GPC4: variants seen among roughly 807,000 people sequenced by gnomAD.
GPC4 encodes the protein glypican-4.
GPC4 carries 10 observed loss-of-function variants against 35.0 expected under a neutral mutation model. The observed-to-expected ratio is 0.29, with a 90% confidence interval of 0.18 to 0.48. The LOEUF is 0.48. Ranked by LOEUF, GPC4 falls within the 20% of genes least tolerant of loss-of-function variation. GPC4 has a pLI of 0.99. For synonymous variants in GPC4, 167 were observed against 170.2 expected, an observed-to-expected ratio of 0.98 and a Z score of 0.15; for missense variants, 322 against 451.3, an observed-to-expected ratio of 0.71 and a Z score of 2.60.
At chrX:133,341,093 C>T (rs1300228371) in intron 1 of GPC4, among the ~76,000 whole-genome samples, 1 of 111,902 alleles carries the variant, frequency 8.9e-6, no homozygotes, top group Non-Finnish European at 1.9e-5. Flanking sequence ...TGCTAAGGCT[C>T]GGTTTTATGG....
chrX:133,400,787 T>C (rs2068765145), intron 1 of GPC4, among the ~76,000 whole-genome samples: 1 of 110,503 alleles, frequency 9.0e-6, no homozygotes, highest in Non-Finnish European at 1.9e-5. Context: ...GTGGTAGGCA[T>C]TGGGTATAGG....
chrX:133,304,636 C>T, intron 7 of GPC4, 89 bp downstream of exon 7: 1 of 1,073,573 alleles, frequency 9.3e-7, no homozygotes, highest in Non-Finnish European at 1.3e-6. Flanking sequence ...CTTCCTGATG[C>T]CTCGGTTGAC....
chrX:133,357,595 G>A (rs1003608262), intron 1 of GPC4, among the ~76,000 whole-genome samples: 5 of 108,681 alleles, frequency 4.6e-5, no homozygotes, highest in Non-Finnish European at 3.8e-5. Context: ...TGTGTTGCTC[G>A]GGCTAGTCTG....
intron 3 of GPC4, among the ~76,000 whole-genome samples, chrX:133,318,331 A>G (rs2068348202): frequency 1.8e-5 from 2 of 111,977 alleles, no homozygotes; most frequent in African/African-American, 6.5e-5. Flanking sequence ...TTTGTTTAGT[A>G]CTCTTGTAGG....
At chrX:133,369,379 A>G (rs182003742) in intron 1 of GPC4, among the ~76,000 whole-genome samples, 128 of 112,096 alleles carry the variant, frequency 1.1e-3, no homozygotes, top group Non-Finnish European at 1.8e-3. Flanking sequence ...AAATGAGATA[A>G]CTAGAGTCTG....
intron 3 of GPC4, among the ~76,000 whole-genome samples, chrX:133,317,291 C>G (rs2124114266): frequency 9.0e-6 from 1 of 111,409 alleles, no homozygotes; most frequent in African/African-American, 3.3e-5. Context: ...ATTTCCTTCT[C>G]AACTTATTAA....
chrX:133,413,903 T>G (rs919960199), intron 1 of GPC4, among the ~76,000 whole-genome samples: 16 of 110,065 alleles, frequency 1.5e-4, no homozygotes, highest in South Asian at 4.0e-4. Flanking sequence ...AATACCCCCA[T>G]ACACCCCCCA....
Position 133,383,899 on chromosome X carries a change from G to A in GPC4, c.160+30907C>T, listed in dbSNP as rs537837994. On this transcript the variant is annotated intron_variant, in intron 1 of 8. Coordinates refer to ENST00000370828, the MANE Select transcript of GPC4 (RefSeq NM_001448.3). ...CTTACAGACTTTGGGTGATGATGAT[G>A]AGTCAATGTAGGTTCACTGACTGTA... Among the ~76,000 whole-genome samples, 5 of 111,895 alleles carry A rather than the reference G, an allele frequency of 4.5e-5. No individual in the cohort carries two copies. The South Asian group carries it at 1.9e-3, about 43-fold the overall frequency.
chrX:133,400,168 T>A (rs1347559113), intron 1 of GPC4, among the ~76,000 whole-genome samples: 1 of 111,912 alleles, frequency 8.9e-6, no homozygotes, highest in Non-Finnish European at 1.9e-5. Context: ...GAGAAAGTGT[T>A]CCATGTAAGC....
chrX:133,304,631 T>C (rs2068282707), intron 7 of GPC4, 94 bp downstream of exon 7: 1 of 1,053,614 alleles, frequency 9.5e-7, no homozygotes, highest in African/African-American at 1.8e-5. Flanking sequence ...AATTGCTTCC[T>C]GATGCCTCGG....
Position 133,324,150 on chromosome X carries a change from A to T in GPC4, c.706T>A (p.Ser236Thr). The stretch of plus-strand genomic sequence containing the variant: ...AGAAGACAAGGAGTACTTACCACGG[A>T]GACCTTGCTCACGACATCTCCCGCA... ...AVAGDVVSKV[S>T]VVNPTAQCTH... The change falls in exon 3 of 9, where the codon TCC (serine) becomes ACC (threonine). Residue 236 changes from serine to threonine, a missense_variant. Around this residue, in one of 3 missense-constraint regions of GPC4, gnomAD observed 163 missense variants for 277.2 expected, o/e 0.59. Transcript: ENST00000370828. 1 of 1,198,170 alleles carries T rather than the reference A, an allele frequency of 8.3e-7. No individual in the cohort carries two copies. Among genetic ancestry groups the T allele is most frequent in the Non-Finnish European group, 1.1e-6 (1 of 889,514 alleles).
intron 1 of GPC4, among the ~76,000 whole-genome samples, chrX:133,360,038 G>T (rs144211475): frequency 9.0e-6 from 1 of 110,757 alleles, no homozygotes; most frequent in African/African-American, 3.3e-5. Flanking sequence ...CCTATGCTGG[G>T]GGGGGAGAGA....
At chrX:133,368,390 G>C (rs1245912670) in intron 1 of GPC4, among the ~76,000 whole-genome samples, 1 of 111,136 alleles carries the variant, frequency 9.0e-6, no homozygotes, top group Non-Finnish European at 1.9e-5. Flanking sequence ...ACATTTCCCA[G>C]GACTCCAAAC....
chrX:133,344,733 C>T (rs946360837), intron 1 of GPC4, among the ~76,000 whole-genome samples: 2 of 111,661 alleles, frequency 1.8e-5, no homozygotes, highest in Non-Finnish European at 3.8e-5. Flanking sequence ...CTAGTGTTTA[C>T]TCCCCCAGTG....
At chrX:133,393,846 A>G (rs1198569668) in intron 1 of GPC4, among the ~76,000 whole-genome samples, 2 of 112,025 alleles carry the variant, frequency 1.8e-5, no homozygotes, top group Non-Finnish European at 3.8e-5. Context: ...ATTACAGTAC[A>G]TTAACTTAAG....
chrX:133,311,139 A>G, intron 4 of GPC4, 119 bp downstream of exon 4: 1 of 704,919 alleles, frequency 1.4e-6, no homozygotes, highest in Non-Finnish European at 2.1e-6. Flanking sequence ...CAGGATTCTG[A>G]CAAACACTAA....
chrX:133,382,264 T>C (rs1200914534), intron 1 of GPC4, among the ~76,000 whole-genome samples: 2 of 105,793 alleles, frequency 1.9e-5, no homozygotes, highest in African/African-American at 7.0e-5. Context: ...TTGTTTCTAC[T>C]AAAAAATACA....
chrX:133,320,624 C>CAAAAA (rs11329655), intron 3 of GPC4, among the ~76,000 whole-genome samples: 1 of 37,740 alleles, frequency 2.6e-5, no homozygotes, highest in Admixed American at 3.8e-4. Context: ...AACTCTGTCT[C>CAAAAA]AAAAAAAAAA....
chrX:133,314,937 C>T (rs1008166781), intron 3 of GPC4, among the ~76,000 whole-genome samples: 11 of 110,717 alleles, frequency 9.9e-5, no homozygotes, highest in Non-Finnish European at 9.4e-5. Flanking sequence ...AACAGTGAGC[C>T]CAGAGTGTCA....
Sources: allele counts gnomAD v4.1 joint callset (sites outside exome capture counted in the v4.1 genomes callset), GRCh38; gene constraint gnomAD v4.1.1; regional missense constraint gnomAD v4.1.1; transcripts MANE v1.5; gene names NCBI Gene and HGNC (gene_info 2026-07-23, HGNC 2026-07-21).